The following SMARCAL1 variants were observed in gnomAD, a reference collection of about 807,000 sequenced individuals.
The protein encoded by SMARCAL1 is ATP-driven annealing helicase.
A neutral mutation model predicts 94.5 loss-of-function variants in SMARCAL1; 58 were observed. The observed-to-expected ratio is 0.61, with a 90% CI of 0.50 to 0.76. SMARCAL1 has a LOEUF of 0.76. Ranked by LOEUF, SMARCAL1 falls within the 30% of genes least tolerant of loss-of-function variation. The probability of loss-of-function intolerance (pLI) is 0.00; values close to 1 mark genes in which losing one functional copy is unlikely to be tolerated. For missense variants in SMARCAL1, 1,051 were observed against 1,177.9 expected (o/e 0.89, Z 1.58); for synonymous variants, 422 against 455.1 (o/e 0.93, Z 0.93).
chr2:216,464,471 C>G, intron 12 of SMARCAL1, 126 bp from the exon 13 acceptor site: 3 of 797,932 alleles, frequency 3.8e-6, no homozygotes, highest in Non-Finnish European at 6.7e-6. Context: ...TTGTCAGCAC[C>G]AGGGTCTCCT....
At chr2:216,429,702 G>A (rs1331814154) in intron 7 of SMARCAL1, among the ~76,000 whole-genome samples, 1 of 151,994 alleles carries the variant, frequency 6.6e-6, no homozygotes, top group African/African-American at 2.4e-5. Flanking sequence ...AAGCCTGATT[G>A]TGGTATTTTG....
chr2:216,426,100 G>T (rs1161979008), intron 6 of SMARCAL1, among the ~76,000 whole-genome samples: 1 of 152,222 alleles, frequency 6.6e-6, no homozygotes, highest in Non-Finnish European at 1.5e-5. Flanking sequence ...GGCCTCAAGT[G>T]ATCCTCCCAC....
intron 7 of SMARCAL1, among the ~76,000 whole-genome samples, chr2:216,432,354 C>T (rs1184917622): frequency 6.6e-6 from 1 of 152,168 alleles, no homozygotes; most frequent in Admixed American, 6.5e-5. Flanking sequence ...AGTGCTAGTC[C>T]TGGACTCCCA....
rs78031133 is a variant in SMARCAL1 at position 216,462,468 on chromosome 2, G to A, written c.2071-2129G>A. On this transcript the variant is annotated intron_variant, in intron 12 of 17. Coordinates refer to ENST00000357276, the MANE Select transcript of SMARCAL1 (RefSeq NM_014140.4). The stretch of plus-strand genomic sequence containing the variant: ...AGCCTGCTCCTGGGGACCGTTAGAC[G>A]TCCATGAATGGATTTCATGAAGTCT... Among the ~76,000 whole-genome samples the A allele has an allele frequency of 3.9e-5, 6 of 152,248 alleles. No individual in the cohort carries two copies. In the East Asian group the frequency reaches 5.8e-4, roughly 15 times the overall value.
chr2:216,439,295 A>G (rs1374416788), intron 10 of SMARCAL1, among the ~76,000 whole-genome samples: 1 of 150,298 alleles, frequency 6.7e-6, no homozygotes, highest in Non-Finnish European at 1.5e-5. Flanking sequence ...ATCCCAACAG[A>G]GGGTAGTCCT....
At chr2:216,481,915 A>G (rs1695210037) in intron 17 of SMARCAL1, among the ~76,000 whole-genome samples, 1 of 152,224 alleles carries the variant, frequency 6.6e-6, no homozygotes, top group Non-Finnish European at 1.5e-5. Flanking sequence ...GGAAATTTAG[A>G]TGTAGGAAAA....
At chr2:216,463,345 G>A (rs1417307433) in intron 12 of SMARCAL1, among the ~76,000 whole-genome samples, 1 of 152,180 alleles carries the variant, frequency 6.6e-6, no homozygotes, top group African/African-American at 2.4e-5. Context: ...TTAGGGGCTG[G>A]GAAGTTCAAG....
At chr2:216,481,967 C>G (rs1360234066) in intron 17 of SMARCAL1, among the ~76,000 whole-genome samples, 1 of 152,108 alleles carries the variant, frequency 6.6e-6, no homozygotes, top group African/African-American at 2.4e-5. Flanking sequence ...GTGGTTGTAT[C>G]CACTGGGCAT....
intron 6 of SMARCAL1, 34 bp downstream of exon 6, chr2:216,423,717 C>G: frequency 6.4e-7 from 1 of 1,552,550 alleles, no homozygotes; most frequent in Non-Finnish European, 8.9e-7. Context: ...TTATATCATG[C>G]TATTGTTAAG....
intron 11 of SMARCAL1, among the ~76,000 whole-genome samples, chr2:216,449,569 A>T (rs749341386): frequency 2.6e-5 from 4 of 152,078 alleles, no homozygotes; most frequent in Non-Finnish European, 5.9e-5. Context: ...TTATTCCTCC[A>T]CCTTTGACCA....
chr2:216,468,303 C>G (rs1270452055), intron 14 of SMARCAL1, among the ~76,000 whole-genome samples: 1 of 152,172 alleles, frequency 6.6e-6, no homozygotes, highest in Admixed American at 6.5e-5. Context: ...AGGGGCTGTT[C>G]CATTATTCTG....
intron 14 of SMARCAL1, among the ~76,000 whole-genome samples, chr2:216,472,970 A>T (rs1439690740): frequency 6.6e-6 from 1 of 152,218 alleles, no homozygotes; most frequent in Non-Finnish European, 1.5e-5. Context: ...AGTCCAATCT[A>T]AGAAAATCAC....
intron 17 of SMARCAL1, among the ~76,000 whole-genome samples, chr2:216,481,319 G>A (rs767604177): frequency 1.1e-4 from 17 of 148,718 alleles, no homozygotes; most frequent in Non-Finnish European, 2.2e-4. Flanking sequence ...TCAGCCTCCC[G>A]AGTAGCTGGA....
chr2:216,433,416 T>G (rs1694008350), intron 8 of SMARCAL1, among the ~76,000 whole-genome samples: 1 of 152,158 alleles, frequency 6.6e-6, no homozygotes, highest in Non-Finnish European at 1.5e-5. Context: ...CCTCCTGTAT[T>G]TTCCTCAATC....
intron 4 of SMARCAL1, among the ~76,000 whole-genome samples, chr2:216,416,716 A>G (rs904154702): frequency 3.9e-5 from 6 of 152,224 alleles, no homozygotes; most frequent in African/African-American, 1.4e-4. Context: ...CCACCAGACT[A>G]TGCTGGCCCC....
At chr2:216,414,553 C>T in intron 2 of SMARCAL1, 94 bp from the exon 3 acceptor site, 2 of 707,166 alleles carry the variant, frequency 2.8e-6, no homozygotes, top group South Asian at 3.4e-5. Flanking sequence ...GCTCATTATG[C>T]ATTTTCTGGG....
At chr2:216,478,378 A>G in intron 17 of SMARCAL1, 79 bp downstream of exon 17, 5 of 1,111,472 alleles carry the variant, frequency 4.5e-6, no homozygotes, top group Admixed American at 3.4e-5. Context: ...GGTCCTGAGT[A>G]GGAGGATGTG....
In SMARCAL1 at chr2:216,414,877, C is replaced by T. The variant is rs1420493411; in HGVS notation, c.173C>T (p.Pro58Leu). ...AAGCAAGGCCCATCCCAAAATTTCC[C>T]AAGGGAGTCTTGTAAGCCAGTGAGC... Reference protein sequence around the residue: ...QAKQGPSQNFPRESCKPVSHG... With the variant: ...QAKQGPSQNFLRESCKPVSHG... Residue 58 changes from proline to leucine, a missense_variant, in exon 3 of 18, where the codon CCA (proline) becomes CTA (leucine). By Grantham distance (98) the Pro-to-Leu change is moderately conservative (BLOSUM62 -3). Coordinates refer to ENST00000357276, the MANE Select transcript of SMARCAL1 (RefSeq NM_014140.4). The T allele has an allele frequency of 3.1e-6, 5 of 1,614,192 alleles. No individual in the cohort carries two copies. The highest frequency in any genetic ancestry group is 4.2e-6 in the Non-Finnish European group (5 of 1,180,046).
intron 12 of SMARCAL1, among the ~76,000 whole-genome samples, chr2:216,454,715 T>C (rs1694523754): frequency 6.6e-6 from 1 of 151,956 alleles, no homozygotes; most frequent in African/African-American, 2.4e-5. Context: ...AGAATCATCT[T>C]GGGGCGGTTC....
Sources: allele counts gnomAD v4.1 joint callset (sites outside exome capture counted in the v4.1 genomes callset), GRCh38; gene constraint gnomAD v4.1.1; transcripts MANE v1.5; gene names NCBI Gene and HGNC (gene_info 2026-07-23, HGNC 2026-07-21).